RNF130: variants seen among roughly 807,000 people sequenced by gnomAD.
RNF130 encodes E3 ubiquitin-protein ligase RNF130.
In RNF130, 21 loss-of-function variants were observed where a neutral mutation model predicts 44.6. That is an observed-to-expected ratio of 0.47 (90% CI 0.33 to 0.68). The LOEUF (loss-of-function observed/expected upper bound fraction) is 0.68. RNF130 is among the 30% of genes least tolerant of loss of function. The pLI, the probability that RNF130 is intolerant of heterozygous loss-of-function variation, is 0.02. For missense variants in RNF130, 479 were observed against 560.6 expected (o/e 0.85, Z 1.47); for synonymous variants, 214 against 210.4 (o/e 1.02, Z -0.15).
chr5:179,953,223 T>C (rs1246093160), downstream of RNF130, among the ~76,000 whole-genome samples: 1 of 151,820 alleles, frequency 6.6e-6, no homozygotes. Flanking sequence ...CCCATGCTCA[T>C]GAGTTGGAAG....
chr5:179,989,627 G>A (rs1433033773), intron 3 of RNF130, among the ~76,000 whole-genome samples: 1 of 151,826 alleles, frequency 6.6e-6, no homozygotes, highest in African/African-American at 2.4e-5. Context: ...ACTTTCAGTC[G>A]ATCTGTGTGT....
intron 2 of RNF130, among the ~76,000 whole-genome samples, chr5:180,033,679 G>C (rs1034187842): frequency 7.8e-6 from 1 of 128,884 alleles, no homozygotes; most frequent in African/African-American, 3.0e-5. Flanking sequence ...CTGGGCAACA[G>C]AGCGAGACTC....
chr5:180,028,417 C>T (rs1764042762), intron 2 of RNF130, among the ~76,000 whole-genome samples: 1 of 152,162 alleles, frequency 6.6e-6, no homozygotes, highest in Non-Finnish European at 1.5e-5. Context: ...TTCCTTCCGA[C>T]TCCCTCTCCT....
rs1389273465 is a variant in RNF130, at chr5:179,998,886, T to TATATATATATA, written c.693+14174_693+14175insTATATATATAT. Among the ~76,000 whole-genome samples the TATATATATATA allele has an allele frequency of 1.3e-3, 139 of 105,506 alleles. 5 individuals are homozygous for TATATATATATA. The highest frequency in any genetic ancestry group is 1.9e-3 in the African/African-American group (58 of 29,940). 69.2% of individuals were successfully genotyped at this position (105,506 alleles called of 152,430 possible). A position where few individuals can be genotyped will look rare whatever the true frequency, so the allele number is the denominator to read the frequency against. On this transcript the variant is annotated intron_variant, in intron 3 of 8. Coordinates refer to ENST00000521389, the MANE Select transcript of RNF130 (RefSeq NM_018434.6). The stretch of plus-strand genomic sequence containing the variant: ...ATATATATATATATATATATATATG[T>TATATATATATA]TTTATATATCTGAGTGCTCCAGTGT...
intron 1 of RNF130, among the ~76,000 whole-genome samples, chr5:180,057,712 G>A (rs1764867006): frequency 2.0e-5 from 3 of 152,186 alleles, no homozygotes; most frequent in Admixed American, 2.0e-4. Context: ...CTTACCCTAT[G>A]TACCTCTCCA....
rs549214907 is a variant in RNF130, at chr5:179,931,188, G to A, written c.1151-10762C>T. ...CTGGATTCCTGTGACAGTGTTTCCC[G>A]CCTGAAGTACCGCACATCTGAACTG... On this transcript the variant is annotated intron_variant, in intron 7 of 7. Coordinates refer to the RNF130 transcript ENST00000522208. Among the ~76,000 whole-genome samples, 8 of 152,078 alleles carry A rather than the reference G, an allele frequency of 5.3e-5. No individual in the cohort carries two copies. In the South Asian group the frequency reaches 1.2e-3, roughly 24 times the overall value.
At chr5:179,967,554 C>G (rs914357551) in intron 6 of RNF130, among the ~76,000 whole-genome samples, 1 of 152,240 alleles carries the variant, frequency 6.6e-6, no homozygotes, top group African/African-American at 2.4e-5. Flanking sequence ...TGTTTCAAAA[C>G]CTAAGCACCT....
intron 8 of RNF130, chr5:179,955,965 T>A (rs1762203697): frequency 6.6e-6 from 2 of 301,310 alleles, no homozygotes; most frequent in South Asian, 3.1e-4. Context: ...ATTTACAATT[T>A]TTCCTGGTTT....
intron 2 of RNF130, among the ~76,000 whole-genome samples, chr5:180,015,640 GTA>G: frequency 8.5e-6 from 1 of 117,822 alleles, no homozygotes; most frequent in Admixed American, 8.5e-5. Context: ...AGGGAAAGGA[GTA>G]GGGAAAGGAG....
chr5:179,925,378 G>A (rs1037670196), intron 7 of RNF130, among the ~76,000 whole-genome samples: 3 of 152,204 alleles, frequency 2.0e-5, no homozygotes, highest in African/African-American at 4.8e-5. Context: ...AACACGTAGA[G>A]GTACCGGTAG....
At chr5:180,048,325 G>A (rs1328476553) in intron 1 of RNF130, among the ~76,000 whole-genome samples, 1 of 152,136 alleles carries the variant, frequency 6.6e-6, no homozygotes, top group Non-Finnish European at 1.5e-5. Context: ...TATCTAATTT[G>A]TCTGTTTCCA....
exon 8 of RNF130, chr5:179,918,348 G>C (rs1297624080): frequency 6.6e-6 from 1 of 152,230 alleles, no homozygotes; most frequent in Admixed American, 6.5e-5. Context: ...TAAAGAAACT[G>C]TCTTGAGTGG....
At chr5:179,942,420 T>C (rs1761979059) in intron 7 of RNF130, among the ~76,000 whole-genome samples, 4 of 152,074 alleles carry the variant, frequency 2.6e-5, no homozygotes, top group Admixed American at 6.6e-5. Flanking sequence ...AAAAAAAGAA[T>C]ATATGGTCCG....
At chr5:179,996,761 G>A (rs1159601460) in intron 3 of RNF130, among the ~76,000 whole-genome samples, 1 of 152,174 alleles carries the variant, frequency 6.6e-6, no homozygotes, top group Non-Finnish European at 1.5e-5. Flanking sequence ...AAGGATACTT[G>A]TCTATATTTT....
intron 7 of RNF130, among the ~76,000 whole-genome samples, chr5:179,930,898 T>C (rs1357553213): frequency 6.6e-6 from 1 of 151,832 alleles, no homozygotes; most frequent in Admixed American, 6.6e-5. Flanking sequence ...AAAAAGTAGC[T>C]GGGCGTGGTG....
intron 2 of RNF130, among the ~76,000 whole-genome samples, chr5:180,015,820 A>G (rs937397329): frequency 6.6e-6 from 1 of 152,222 alleles, no homozygotes; most frequent in Non-Finnish European, 1.5e-5. Flanking sequence ...ATGTGATTCT[A>G]TTCAAAGAAC....
chr5:179,972,675 G>A (rs80296369), intron 5 of RNF130, among the ~76,000 whole-genome samples: 3 of 152,036 alleles, frequency 2.0e-5, no homozygotes, highest in Non-Finnish European at 2.9e-5. Flanking sequence ...ATGGAGGTGC[G>A]GCTCTGGTGC....
At chr5:180,053,953 C>T (rs151247772) in intron 1 of RNF130, among the ~76,000 whole-genome samples, 191 of 151,902 alleles carry the variant, frequency 1.3e-3, no homozygotes, top group African/African-American at 4.2e-3. Flanking sequence ...CTTTAGCCTC[C>T]CGAGTAGCTG....
At chr5:179,954,701 T>G (rs1200373124), downstream of RNF130, among the ~76,000 whole-genome samples, 1 of 152,214 alleles carries the variant, frequency 6.6e-6, no homozygotes. Flanking sequence ...ACGGGTAATT[T>G]TATAGCATGT....
Sources: gnomAD v4.1 joint callset for allele counts (sites outside exome capture counted in the v4.1 genomes callset) on GRCh38, gnomAD v4.1.1 for gene constraint, MANE v1.5 for transcripts, NCBI Gene and HGNC (gene_info 2026-07-23, HGNC 2026-07-21) for gene names.